FNDC3B: variants seen among roughly 807,000 people sequenced by gnomAD.
FNDC3B encodes the protein fibronectin type III domain containing 3B.
Under a neutral mutation model 151.5 loss-of-function variants are expected in FNDC3B, and 12 were observed. That is an observed-to-expected ratio of 0.08 (90% CI 0.05 to 0.13). FNDC3B has a LOEUF of 0.13. Ranked by LOEUF, FNDC3B falls within the 10% of genes least tolerant of loss-of-function variation. The pLI is 1.00. For missense variants in FNDC3B, 1,214 were observed against 1,505.3 expected (o/e 0.81, Z 3.20); for synonymous variants, 528 against 549.0 (o/e 0.96, Z 0.54).
At chr3:172,365,391 T>C (rs758465987) in intron 23 of FNDC3B, among the ~76,000 whole-genome samples, 16 of 152,226 alleles carry the variant, frequency 1.1e-4, no homozygotes, top group Non-Finnish European at 2.2e-4. Flanking sequence ...TATATCCCGC[T>C]TGTGGCCAAG....
chr3:172,251,889 G>A (rs1442600566), intron 6 of FNDC3B, among the ~76,000 whole-genome samples: 1 of 152,202 alleles, frequency 6.6e-6, no homozygotes, highest in Non-Finnish European at 1.5e-5. Flanking sequence ...TTCTAAAAGT[G>A]TAGGCTAGTT....
intron 6 of FNDC3B, among the ~76,000 whole-genome samples, chr3:172,258,706 G>C (rs1028748815): frequency 6.6e-6 from 1 of 152,180 alleles, no homozygotes; most frequent in Non-Finnish European, 1.5e-5. Flanking sequence ...CCTTTGTCTG[G>C]AATGACGTGC....
intron 1 of FNDC3B, among the ~76,000 whole-genome samples, chr3:172,068,423 CTTT>C (rs11459544): frequency 8.2e-6 from 1 of 122,596 alleles, no homozygotes. Context: ...TGTGAGGAGC[CTTT>C]TTTTTTTTTT....
chr3:172,378,700 G>A (rs1211848084), intron 24 of FNDC3B, among the ~76,000 whole-genome samples: 3 of 152,138 alleles, frequency 2.0e-5, no homozygotes, highest in Non-Finnish European at 4.4e-5. Flanking sequence ...TCCTGGTGCT[G>A]CAACCCTTAA....
intron 3 of FNDC3B, among the ~76,000 whole-genome samples, chr3:172,208,854 G>C (rs529523703): frequency 6.6e-6 from 1 of 152,290 alleles, no homozygotes; most frequent in Admixed American, 6.5e-5. Context: ...CATTCTGGCT[G>C]TTGCAGTGGG....
At chr3:172,245,106 T>G (rs1192218834) in intron 4 of FNDC3B, among the ~76,000 whole-genome samples, 2 of 151,376 alleles carry the variant, frequency 1.3e-5, no homozygotes, top group African/African-American at 4.9e-5. Flanking sequence ...TACAGGCAAT[T>G]TGTGGTTTCA....
chr3:172,207,642 A>G lies in FNDC3B; in HGVS notation c.188-19229A>G, dbSNP rs185837334. The stretch of plus-strand genomic sequence containing the variant: ...TGGAAAAAGTATCATCCAATTGGCC[A>G]AAAGGCATCAAGGAGGTTCTCACTC... On this transcript the variant is annotated intron_variant, in intron 3 of 25. Coordinates refer to ENST00000415807, the MANE Select transcript of FNDC3B (RefSeq NM_022763.4). Among the ~76,000 whole-genome samples, 210 of 147,510 alleles carry G rather than the reference A, an allele frequency of 1.4e-3. 1 individual carries two copies. Among genetic ancestry groups the G allele is most frequent in the African/African-American group, 5.6e-3 (207 of 37,130 alleles).
intron 3 of FNDC3B, among the ~76,000 whole-genome samples, chr3:172,203,511 A>G (rs1725260549): frequency 6.6e-6 from 1 of 152,274 alleles, no homozygotes; most frequent in Non-Finnish European, 1.5e-5. Flanking sequence ...AAGAAACTGC[A>G]TAAGCATTTT....
intron 1 of FNDC3B, among the ~76,000 whole-genome samples, chr3:172,103,655 G>T (rs1719482721): frequency 6.6e-6 from 1 of 152,104 alleles, no homozygotes; most frequent in Non-Finnish European, 1.5e-5. Context: ...ATTTTAATCT[G>T]AAGTGGTGGT....
intron 3 of FNDC3B, among the ~76,000 whole-genome samples, chr3:172,136,759 G>A (rs948065254): frequency 3.3e-5 from 5 of 152,044 alleles, no homozygotes; most frequent in Non-Finnish European, 5.9e-5. Context: ...TCACTCTGTC[G>A]CCCAGGCTGG....
At chr3:172,291,379 C>A (rs1253154054) in intron 7 of FNDC3B, among the ~76,000 whole-genome samples, 4 of 150,942 alleles carry the variant, frequency 2.7e-5, no homozygotes, top group Non-Finnish European at 1.5e-5. Flanking sequence ...TGCAGACTTA[C>A]ACTAGTAACC....
intron 6 of FNDC3B, among the ~76,000 whole-genome samples, chr3:172,272,779 T>C (rs192477100): frequency 1.3e-5 from 2 of 152,362 alleles, no homozygotes; most frequent in Non-Finnish European, 2.9e-5. Flanking sequence ...AACTTTAGGC[T>C]GCTTTCATTG....
chr3:172,163,145 C>A (rs548927628), intron 3 of FNDC3B, among the ~76,000 whole-genome samples: 2 of 152,182 alleles, frequency 1.3e-5, no homozygotes, highest in East Asian at 3.9e-4. Context: ...ATGGTGCACA[C>A]CTGTAGTCCT....
At chr3:172,068,421 GC>G (rs1285410186) in intron 1 of FNDC3B, among the ~76,000 whole-genome samples, 19 of 125,648 alleles carry the variant, frequency 1.5e-4, no homozygotes, top group Non-Finnish European at 2.0e-4. Flanking sequence ...TTTGTGAGGA[GC>G]CTTTTTTTTT....
At chr3:172,287,362 G>A (rs549780534) in intron 7 of FNDC3B, among the ~76,000 whole-genome samples, 86 of 152,310 alleles carry the variant, frequency 5.6e-4, no homozygotes, top group African/African-American at 1.9e-3. Context: ...GGTCGCAAAT[G>A]TCTGGTAGGC....
chr3:172,393,273 A>G (rs10222578), intron 25 of FNDC3B, among the ~76,000 whole-genome samples: 14,555 of 152,262 alleles, frequency 0.096, 745 homozygotes, highest in Middle Eastern at 0.18. Flanking sequence ...CTTTAAGTCA[A>G]AAACTGTAAA....
At position 172,401,471 on chromosome 3, in the gene FNDC3B, T is replaced by C. The variant is rs1299793110; in HGVS notation, c.*3996T>C. 1 of 152,092 alleles carries C rather than the reference T, an allele frequency of 6.6e-6. No individual in the cohort carries two copies. The highest frequency in any genetic ancestry group is 1.5e-5 in the Non-Finnish European group (1 of 68,042). The allele number at this position is 152,092 out of a possible 1,614,324, so 9.4% of individuals were successfully genotyped here. Reference sequence around the variant, plus strand: ...CTGCCAGTTTAATCCTTTATCAGAGTCTCTGTGGATAATGTACCTTGTTGC... The same window carrying C: ...CTGCCAGTTTAATCCTTTATCAGAGCCTCTGTGGATAATGTACCTTGTTGC... On this transcript the variant is annotated 3_prime_UTR_variant, in exon 26 of 26. Transcript: ENST00000415807.
At chr3:172,278,365 C>T (rs1329143646) in intron 6 of FNDC3B, among the ~76,000 whole-genome samples, 1 of 152,154 alleles carries the variant, frequency 6.6e-6, no homozygotes, top group African/African-American at 2.4e-5. Context: ...TTGTTCTATC[C>T]TGTGTTTAAG....
At chr3:172,193,992 G>A (rs1215375250) in intron 3 of FNDC3B, among the ~76,000 whole-genome samples, 2 of 151,930 alleles carry the variant, frequency 1.3e-5, no homozygotes, top group African/African-American at 4.8e-5. Flanking sequence ...AGGCTGAGGC[G>A]GGCGGATCAC....
Sources: allele counts gnomAD v4.1 joint callset (sites outside exome capture counted in the v4.1 genomes callset), GRCh38; gene constraint gnomAD v4.1.1; transcripts MANE v1.5; gene names NCBI Gene and HGNC (gene_info 2026-07-23, HGNC 2026-07-21).